HIVEP1: variants seen among roughly 807,000 people sequenced by gnomAD.
HIVEP1 encodes the protein HIVEP zinc finger 1.
Under a neutral mutation model 180.0 loss-of-function variants are expected in HIVEP1, and 36 were observed. That is an observed-to-expected ratio of 0.20 (90% confidence interval 0.15 to 0.26). The LOEUF is 0.26. HIVEP1 is among the 10% of genes least tolerant of loss of function. The pLI, the probability that HIVEP1 is intolerant of heterozygous loss-of-function variation, is 1.00. For missense variants in HIVEP1, 3,143 were observed against 3,268.7 expected, an observed-to-expected ratio of 0.96 and a Z score of 0.94; for synonymous variants, 1,239 against 1,239.0, an observed-to-expected ratio of 1.00 and a Z score of 0.00.
chr6:12,027,422 A>G (rs1275251889), intron 2 of HIVEP1, among the ~76,000 whole-genome samples: 1 of 152,218 alleles, frequency 6.6e-6, no homozygotes, highest in African/African-American at 2.4e-5. Context: ...TGCCAGAAAT[A>G]TTTAGTTCTT....
chr6:12,033,919 C>T (rs1018279296), intron 2 of HIVEP1, among the ~76,000 whole-genome samples: 6 of 152,124 alleles, frequency 3.9e-5, no homozygotes, highest in Non-Finnish European at 8.8e-5. Flanking sequence ...AGAATTTAGA[C>T]ATACAGGAAA....
intron 6 of HIVEP1, among the ~76,000 whole-genome samples, chr6:12,131,342 A>G (rs186744181): frequency 2.0e-3 from 305 of 152,162 alleles, no homozygotes; most frequent in Non-Finnish European, 3.7e-3. Context: ...AAGATTTAAA[A>G]TAATAACTAC....
chr6:12,198,460 GTATT>G, the HIVEP1 span, among the ~76,000 whole-genome samples: 1 of 151,834 alleles, frequency 6.6e-6, no homozygotes, highest in Non-Finnish European at 1.5e-5. Context: ...GGAGCAGAAG[GTATT>G]TATTTATTCA....
chr6:12,169,359 C>G (rs1760839620), downstream of HIVEP1, among the ~76,000 whole-genome samples: 1 of 152,148 alleles, frequency 6.6e-6, no homozygotes, highest in African/African-American at 2.4e-5. Context: ...TATAAAGGTT[C>G]TCTGGAAGGC....
chr6:12,019,213 G>A (rs1165047458), intron 2 of HIVEP1, among the ~76,000 whole-genome samples: 1 of 152,182 alleles, frequency 6.6e-6, no homozygotes, highest in Non-Finnish European at 1.5e-5. Context: ...GGGGACGGGA[G>A]TGAAGCTCTA....
the HIVEP1 span, among the ~76,000 whole-genome samples, chr6:12,205,319 A>AT: frequency 6.6e-6 from 1 of 152,092 alleles, no homozygotes; most frequent in Non-Finnish European, 1.5e-5. Flanking sequence ...AAAATACAAA[A>AT]AATTAGCCAG....
chr6:12,138,244 T>G (rs181734674), intron 7 of HIVEP1, among the ~76,000 whole-genome samples: 35 of 152,372 alleles, frequency 2.3e-4, no homozygotes, highest in African/African-American at 8.2e-4. Context: ...GAAGAGACTT[T>G]CCATTTCCTC....
At chr6:12,048,839 T>C (rs1207329172) in intron 2 of HIVEP1, among the ~76,000 whole-genome samples, 3 of 152,168 alleles carry the variant, frequency 2.0e-5, no homozygotes, top group East Asian at 3.8e-4. Flanking sequence ...GGGACAGTTT[T>C]GTATTATTTT....
the HIVEP1 span, among the ~76,000 whole-genome samples, chr6:12,174,008 AATTT>A: frequency 1.3e-5 from 2 of 152,172 alleles, no homozygotes; most frequent in Admixed American, 6.6e-5. Flanking sequence ...AATACATTTG[AATTT>A]ATTTATTTCG....
chr6:12,008,339 G>T (rs763492955), upstream of HIVEP1: 1 of 152,244 alleles, frequency 6.6e-6, no homozygotes, highest in Non-Finnish European at 1.5e-5. Context: ...TCTAAAACCC[G>T]AACAAAGCCT....
chr6:12,069,214 A>T (rs1477753247), intron 2 of HIVEP1, among the ~76,000 whole-genome samples: 1 of 152,246 alleles, frequency 6.6e-6, no homozygotes, highest in Non-Finnish European at 1.5e-5. Flanking sequence ...CCTGCACAGC[A>T]TGTTCATTTA....
chr6:12,096,387 G>A (rs1773783368), intron 3 of HIVEP1, among the ~76,000 whole-genome samples: 1 of 151,788 alleles, frequency 6.6e-6, no homozygotes, highest in African/African-American at 2.4e-5. Flanking sequence ...CTCTTGTCTG[G>A]GGAAGCTTGA....
At chr6:12,167,640 C>CATGTTATATAACATGTAT (rs1562023596), downstream of HIVEP1, among the ~76,000 whole-genome samples, 4 of 95,758 alleles carry the variant, frequency 4.2e-5, no homozygotes, top group Admixed American at 1.1e-4. Context: ...GTTATATATA[C>CATGTTATATAACATGTAT]ATATACATAT....
intron 2 of HIVEP1, chr6:12,038,017 T>C: frequency 2.8e-6 from 1 of 362,572 alleles, no homozygotes; most frequent in East Asian, 4.0e-5. Context: ...ACCTAGTCTG[T>C]GGTTTTTCTT....
chr6:12,083,263 G>A (rs1443356015), intron 2 of HIVEP1, among the ~76,000 whole-genome samples: 1 of 151,982 alleles, frequency 6.6e-6, no homozygotes, highest in East Asian at 1.9e-4. Flanking sequence ...TAAATATTTT[G>A]TAAAAAATAC....
intron 2 of HIVEP1, among the ~76,000 whole-genome samples, chr6:12,041,284 T>A (rs1769682191): frequency 2.0e-5 from 3 of 151,844 alleles, no homozygotes; most frequent in Admixed American, 2.0e-4. Flanking sequence ...TAGCCGGGCA[T>A]GGTGGTGGGC....
At chr6:12,176,003 A>G in the HIVEP1 span, among the ~76,000 whole-genome samples, 1 of 152,112 alleles carries the variant, frequency 6.6e-6, no homozygotes, top group African/African-American at 2.4e-5. Context: ...TAGACAACAA[A>G]GAAGCCTCCT....
intron 2 of HIVEP1, among the ~76,000 whole-genome samples, chr6:12,036,946 A>G (rs962465216): frequency 2.6e-5 from 4 of 152,212 alleles, no homozygotes; most frequent in Non-Finnish European, 5.9e-5. Flanking sequence ...ACAGCCCTCC[A>G]GAGAAGATGG....
chr6:12,104,753 TTCTAA>T (rs1774329363), intron 3 of HIVEP1, among the ~76,000 whole-genome samples: 1 of 152,168 alleles, frequency 6.6e-6, no homozygotes, highest in Non-Finnish European at 1.5e-5. Context: ...TTTTCAGTTG[TTCTAA>T]TCTAAATTTA....
Sources: gnomAD v4.1 joint callset for allele counts (sites outside exome capture counted in the v4.1 genomes callset) on GRCh38, gnomAD v4.1.1 for gene constraint, MANE v1.5 for transcripts, NCBI Gene and HGNC (gene_info 2026-07-23, HGNC 2026-07-21) for gene names.